Variants in FAM110B observed in about 807,000 individuals in gnomAD.
FAM110B encodes the protein protein FAM110B.
In FAM110B, 6 loss-of-function variants were observed where a neutral mutation model predicts 20.4. That is an observed-to-expected ratio of 0.29 (90% CI 0.16 to 0.58). The LOEUF (loss-of-function observed/expected upper bound fraction) is 0.58, where lower values mean the gene tolerates loss of function less well. Among genes scored for constraint, FAM110B ranks in the 20% least tolerant of loss-of-function variants. The pLI is 0.90. For synonymous variants in FAM110B, 226 were observed against 214.1 expected, an observed-to-expected ratio of 1.06 and a Z score of -0.49; for missense variants, 434 against 498.2, an observed-to-expected ratio of 0.87 and a Z score of 1.23.
At chr8:58,068,606 A>G (rs1325801744) in intron 2 of FAM110B, among the ~76,000 whole-genome samples, 1 of 152,186 alleles carries the variant, frequency 6.6e-6, no homozygotes, top group Non-Finnish European at 1.5e-5. Context: ...AATAAAAAAA[A>G]AAAAAACTAC....
intron 3 of FAM110B, among the ~76,000 whole-genome samples, chr8:58,088,438 A>T (rs1254700233): frequency 6.6e-6 from 1 of 152,170 alleles, no homozygotes; most frequent in Non-Finnish European, 1.5e-5. Context: ...ATTCAACGAA[A>T]TGTGTTTCTT....
At chr8:58,037,202 G>C (rs1318403168) in intron 2 of FAM110B, among the ~76,000 whole-genome samples, 2 of 151,846 alleles carry the variant, frequency 1.3e-5, no homozygotes, top group African/African-American at 4.8e-5. Context: ...CATTCTTATT[G>C]TTACATAGGA....
At chr8:58,049,472 G>T (rs959892711) in intron 2 of FAM110B, among the ~76,000 whole-genome samples, 1 of 152,028 alleles carries the variant, frequency 6.6e-6, no homozygotes, top group African/African-American at 2.4e-5. Flanking sequence ...GCCCTAATTA[G>T]GTCAGATGTT....
intron 2 of FAM110B, among the ~76,000 whole-genome samples, chr8:58,033,169 T>C (rs1405138337): frequency 6.6e-6 from 1 of 152,358 alleles, no homozygotes; most frequent in East Asian, 1.9e-4. Context: ...TTTCTGTTCC[T>C]GCATTAATTC....
chr8:58,131,053 A>G (rs953931976), intron 3 of FAM110B, among the ~76,000 whole-genome samples: 2 of 152,170 alleles, frequency 1.3e-5, no homozygotes, highest in African/African-American at 4.8e-5. Context: ...AGCTCTCTTC[A>G]CTGCCACTCC....
chr8:58,099,256 C>T (rs1423468218), intron 3 of FAM110B: 1 of 151,794 alleles, frequency 6.6e-6, no homozygotes, highest in Non-Finnish European at 1.5e-5. Context: ...TCTGAAAATC[C>T]AAAATCCTAA....
chr8:58,113,572 C>A, intron 3 of FAM110B: 1 of 175,848 alleles, frequency 5.7e-6, no homozygotes, highest in East Asian at 1.4e-4. Flanking sequence ...CTTGAAATGC[C>A]ATTTTGTGGT....
chr8:58,107,115 T>A (rs2150616002), intron 3 of FAM110B, among the ~76,000 whole-genome samples: 1 of 152,334 alleles, frequency 6.6e-6, no homozygotes, highest in East Asian at 1.9e-4. Flanking sequence ...TGTTGCCGTC[T>A]GGATTTTATG....
chr8:58,005,557 T>C (rs991184278), intron 1 of FAM110B, among the ~76,000 whole-genome samples: 2 of 152,240 alleles, frequency 1.3e-5, no homozygotes, highest in African/African-American at 4.8e-5. Context: ...TAAAGTGAAG[T>C]GCAGTAAAGC....
chr8:58,023,264 A>G (rs1804791259), intron 1 of FAM110B, among the ~76,000 whole-genome samples: 1 of 152,212 alleles, frequency 6.6e-6, no homozygotes, highest in African/African-American at 2.4e-5. Flanking sequence ...CAGCCTCCAG[A>G]TAAGAGAAGT....
intron 3 of FAM110B, among the ~76,000 whole-genome samples, chr8:58,112,098 G>A (rs1319949798): frequency 6.6e-6 from 1 of 152,178 alleles, no homozygotes; most frequent in Non-Finnish European, 1.5e-5. Context: ...GCCAAGGTGG[G>A]CAGATCACCT....
At chr8:58,104,737 A>G (rs192455017) in intron 3 of FAM110B, among the ~76,000 whole-genome samples, 12 of 152,310 alleles carry the variant, frequency 7.9e-5, no homozygotes, top group African/African-American at 2.9e-4. Flanking sequence ...ACAACCAATC[A>G]GAATACAGGT....
chr8:58,132,176 T>C (rs1173904365), intron 3 of FAM110B, among the ~76,000 whole-genome samples: 1 of 152,210 alleles, frequency 6.6e-6, no homozygotes, highest in Non-Finnish European at 1.5e-5. Context: ...CTATTTTTTA[T>C]ATTTTATGAA....
chr8:58,002,160 A>G (rs1028312071), intron 1 of FAM110B, among the ~76,000 whole-genome samples: 6 of 152,156 alleles, frequency 3.9e-5, no homozygotes, highest in African/African-American at 1.4e-4. Context: ...TACTCAGTCC[A>G]TCAATTCAAT....
rs761091750 is a variant in FAM110B, at chr8:58,006,901, GTATATATATATA to G, written c.-512+12107_-512+12118del. ...TGAGCCACTGGGCCTGGCTTAATTG[GTATATATATATA>G]TATATATATATTTTTCCAAAACCAG... On this transcript the variant is annotated intron_variant, in intron 1 of 3. Coordinates refer to ENST00000519262, the MANE Select transcript of FAM110B (RefSeq NM_001377989.1). 2.1e-3 allele frequency among the ~76,000 whole-genome samples: 204 copies of G among 97,548 alleles called. 4 individuals carry two copies. Among genetic ancestry groups the G allele is most frequent in the African/African-American group, 6.5e-3 (190 of 29,088 alleles). 64.0% of individuals were successfully genotyped at this position (97,548 alleles called of 152,430 possible). A position where few individuals can be genotyped will look rare whatever the true frequency, so the allele number is the denominator to read the frequency against.
chr8:58,095,967 T>C (rs1395149255), intron 3 of FAM110B, among the ~76,000 whole-genome samples: 7 of 152,244 alleles, frequency 4.6e-5, no homozygotes. Flanking sequence ...CTCTTCTTGT[T>C]GCATTGATCC....
intron 2 of FAM110B, among the ~76,000 whole-genome samples, chr8:58,070,560 A>G (rs1370325452): frequency 6.6e-6 from 1 of 152,244 alleles, no homozygotes; most frequent in Admixed American, 6.5e-5. Flanking sequence ...TACCCTGTTT[A>G]TGGTATTCAC....
intron 2 of FAM110B, among the ~76,000 whole-genome samples, chr8:58,061,870 A>G (rs1805664370): frequency 6.6e-6 from 1 of 152,234 alleles, no homozygotes; most frequent in African/African-American, 2.4e-5. Context: ...GTTTGGAGGA[A>G]TAACTTCTTT....
At chr8:58,033,401 C>T (rs1380364898) in intron 2 of FAM110B, among the ~76,000 whole-genome samples, 1 of 152,086 alleles carries the variant, frequency 6.6e-6, no homozygotes, top group Non-Finnish European at 1.5e-5. Context: ...ATTTATTTCC[C>T]TTCAGTTATA....
Sources: allele counts gnomAD v4.1 joint callset (sites outside exome capture counted in the v4.1 genomes callset), GRCh38; gene constraint gnomAD v4.1.1; transcripts MANE v1.5; gene names NCBI Gene and HGNC (gene_info 2026-07-23, HGNC 2026-07-21).